PNOC: variants seen among roughly 807,000 people sequenced by gnomAD.
PNOC encodes the protein nociceptin.
Under a neutral mutation model 15.6 loss-of-function variants are expected in PNOC, and 10 were observed. The ratio of observed to expected loss-of-function variants is 0.64; its 90% confidence interval spans 0.40 to 1.09. The LOEUF (loss-of-function observed/expected upper bound fraction) is 1.09, where lower values mean the gene tolerates loss of function less well. Ranked by LOEUF, PNOC falls within the 50% of genes least tolerant of loss-of-function variation. The pLI is 0.01. For synonymous variants in PNOC, 98 were observed against 88.5 expected (o/e 1.11, Z -0.60); for missense variants, 220 against 223.9 (o/e 0.98, Z 0.11).
intron 2 of PNOC, among the ~76,000 whole-genome samples, chr8:28,332,253 T>C (rs1405541341): frequency 6.6e-6 from 1 of 152,214 alleles, no homozygotes; most frequent in Non-Finnish European, 1.5e-5. Context: ...GCCTAGAATG[T>C]AGGCACTCAA....
At chr8:28,328,047 ATCTC>A (rs1205739699) in intron 1 of PNOC, among the ~76,000 whole-genome samples, 2 of 109,516 alleles carry the variant, frequency 1.8e-5, no homozygotes, top group African/African-American at 6.2e-5. Flanking sequence ...CAAAGGTTCC[ATCTC>A]TCTCTCTCTT....
At chr8:28,338,509 T>G in intron 2 of PNOC, 1 of 750,416 alleles carries the variant, frequency 1.3e-6, no homozygotes, top group Non-Finnish European at 1.6e-6. Context: ...TAGTGACGAC[T>G]GCTGTACGCG....
chr8:28,342,314 A>G (rs914450413), intron 3 of PNOC, among the ~76,000 whole-genome samples: 8 of 149,016 alleles, frequency 5.4e-5, no homozygotes, highest in Admixed American at 2.0e-4. Flanking sequence ...GATTGTGCAC[A>G]TTGCACTCCA....
rs1801551501 is a variant in PNOC, at chr8:28,343,024, C to G, written c.*130C>G. The G allele has an allele frequency of 4.1e-6, 4 of 984,714 alleles. No individual in the cohort carries two copies. The South Asian group carries it at 1.9e-4, about 46-fold the overall frequency. The allele number at this position is 984,714 out of a possible 1,614,324, so 61.0% of individuals were successfully genotyped here. ...TCAGGATTCCTTCTTCCCCAAGGCACTGAGCGCCTGCAGATCCCGCAGGCT... is the reference window on the plus strand; with the variant it reads ...TCAGGATTCCTTCTTCCCCAAGGCAGTGAGCGCCTGCAGATCCCGCAGGCT... On this transcript the variant is annotated 3_prime_UTR_variant, in exon 4 of 4. Coordinates refer to ENST00000301908, the MANE Select transcript of PNOC (RefSeq NM_006228.5).
chr8:28,342,261 G>T (rs1193391867), intron 3 of PNOC, among the ~76,000 whole-genome samples: 2 of 149,838 alleles, frequency 1.3e-5, no homozygotes, highest in Non-Finnish European at 3.0e-5. Flanking sequence ...GCTGAGGCAG[G>T]AGAATCGCTT....
intron 3 of PNOC, among the ~76,000 whole-genome samples, chr8:28,341,756 G>T (rs1801522143): frequency 6.6e-6 from 1 of 152,090 alleles, no homozygotes; most frequent in African/African-American, 2.4e-5. Context: ...AGCTCATTTG[G>T]GTATTATTGA....
At chr8:28,327,565 C>CTTTTTTTTTTT (rs1369152376) in intron 1 of PNOC, among the ~76,000 whole-genome samples, 1 of 145,568 alleles carries the variant, frequency 6.9e-6, no homozygotes, top group Non-Finnish European at 1.5e-5. Flanking sequence ...ACATAAAATT[C>CTTTTTTTTTTT]TTTTCTTTTT....
intron 2 of PNOC, among the ~76,000 whole-genome samples, chr8:28,336,961 A>G (rs1014796579): frequency 6.6e-6 from 1 of 151,976 alleles, no homozygotes; most frequent in Non-Finnish European, 1.5e-5. Flanking sequence ...GAGGCCAAGC[A>G]GAAGGACAAA....
chr8:28,332,458 C>T (rs1250330448), intron 2 of PNOC, among the ~76,000 whole-genome samples: 1 of 152,148 alleles, frequency 6.6e-6, no homozygotes, highest in Non-Finnish European at 1.5e-5. Flanking sequence ...TTGAGTATGG[C>T]TGCTTGTTGT....
intron 2 of PNOC, among the ~76,000 whole-genome samples, chr8:28,329,868 A>G (rs1801292796): frequency 6.6e-6 from 1 of 152,214 alleles, no homozygotes; most frequent in Non-Finnish European, 1.5e-5. Context: ...ACATTATATT[A>G]AGTATTATAA....
intron 1 of PNOC, among the ~76,000 whole-genome samples, chr8:28,322,242 A>T: frequency 6.6e-6 from 1 of 152,002 alleles, no homozygotes; most frequent in East Asian, 1.9e-4. Context: ...TACAAAAAAA[A>T]TTAGCCAGGC....
At chr8:28,337,423 C>T (rs2129899143) in intron 2 of PNOC, among the ~76,000 whole-genome samples, 1 of 152,246 alleles carries the variant, frequency 6.6e-6, no homozygotes, top group African/African-American at 2.4e-5. Context: ...CTTCAGCCTC[C>T]CCAGTAGCTG....
At chr8:28,338,411 G>A (rs1360908133) in intron 2 of PNOC, among the ~76,000 whole-genome samples, 2 of 151,926 alleles carry the variant, frequency 1.3e-5, no homozygotes, top group Non-Finnish European at 2.9e-5. Flanking sequence ...CCCACACCTG[G>A]AACTGGATCA....
intron 1 of PNOC, among the ~76,000 whole-genome samples, chr8:28,318,616 A>G (rs1801098285): frequency 1.3e-5 from 2 of 152,140 alleles, no homozygotes; most frequent in Admixed American, 1.3e-4. Context: ...ACAAGCTTAC[A>G]CTGAGGCTAT....
intron 1 of PNOC, among the ~76,000 whole-genome samples, chr8:28,327,568 TTC>T (rs1432037582): frequency 4.6e-5 from 7 of 150,942 alleles, no homozygotes; most frequent in Non-Finnish European, 5.9e-5. Context: ...TAAAATTCTT[TTC>T]TTTTTTTTTT....
At chr8:28,330,397 T>TTTTATTTTATTTTA (rs1491220831) in intron 2 of PNOC, among the ~76,000 whole-genome samples, 13 of 80,800 alleles carry the variant, frequency 1.6e-4, no homozygotes, top group African/African-American at 4.9e-4. Flanking sequence ...TTTTATTTTA[T>TTTTATTTTATTTTA]TTTTTTTTTT....
intron 2 of PNOC, among the ~76,000 whole-genome samples, chr8:28,332,498 C>T (rs966655952): frequency 6.6e-6 from 1 of 152,144 alleles, no homozygotes; most frequent in Non-Finnish European, 1.5e-5. Context: ...GTAAATGACT[C>T]ACACCCAAAT....
rs1435913845 is a variant in PNOC, at chr8:28,343,216, G to C, written c.*322G>C. On this transcript the variant is annotated 3_prime_UTR_variant, in exon 4 of 4. Transcript: ENST00000301908. ...CCGCCTCTTGCCCCTTCTAGGGGCA[G>C]GTGAAAGGAATAGGAAATTGAACCT... is the stretch of plus-strand genomic sequence containing the variant. 6.5e-6 allele frequency: 1 copy of C among 154,664 alleles called. No homozygotes were observed. The highest frequency in any genetic ancestry group is 1.4e-5 in the Non-Finnish European group (1 of 69,872). 9.6% of individuals were successfully genotyped at this position (154,664 alleles called of 1,614,324 possible).
chr8:28,324,944 T>C (rs994886211), intron 1 of PNOC, among the ~76,000 whole-genome samples: 3 of 152,224 alleles, frequency 2.0e-5, no homozygotes, highest in African/African-American at 7.2e-5. Context: ...TCTTATTGCC[T>C]GTCAGTTCTA....
Sources: gnomAD v4.1 joint callset for allele counts (sites outside exome capture counted in the v4.1 genomes callset) on GRCh38, gnomAD v4.1.1 for gene constraint, MANE v1.5 for transcripts, NCBI Gene and HGNC (gene_info 2026-07-23, HGNC 2026-07-21) for gene names.